Variants in GPC6 observed in about 807,000 individuals in gnomAD.
GPC6 encodes glypican-6.
GPC6 carries 14 observed loss-of-function variants against 55.2 expected under a neutral mutation model. The observed-to-expected ratio is 0.25, with a 90% CI of 0.17 to 0.40. GPC6 has a LOEUF of 0.40. GPC6 is among the 10% of genes least tolerant of loss of function. GPC6 has a pLI of 1.00. For missense variants in GPC6, 641 were observed against 708.5 expected, an observed-to-expected ratio of 0.90 and a Z score of 1.08; for synonymous variants, 278 against 259.6, an observed-to-expected ratio of 1.07 and a Z score of -0.68.
intron 3 of GPC6, among the ~76,000 whole-genome samples, chr13:93,939,171 T>C (rs1878595168): frequency 6.6e-6 from 1 of 151,348 alleles, no homozygotes. Context: ...AATTGAGCAG[T>C]TGAACATGTC....
At chr13:94,354,357 AAAC>A (rs1594199208) in intron 6 of GPC6, among the ~76,000 whole-genome samples, 1 of 152,206 alleles carries the variant, frequency 6.6e-6, no homozygotes, top group African/African-American at 2.4e-5. Context: ...ACAAAAAAAA[AAAC>A]AAGATACCAT....
At chr13:94,381,917 C>A (rs1227433416) in intron 6 of GPC6, among the ~76,000 whole-genome samples, 2 of 152,184 alleles carry the variant, frequency 1.3e-5, no homozygotes, top group Non-Finnish European at 2.9e-5. Flanking sequence ...GCTCTAAGGG[C>A]CTGTCATTTG....
chr13:93,676,564 T>C lies in GPC6; in HGVS notation c.319+131143T>C, dbSNP rs1375572976. Among the ~76,000 whole-genome samples the C allele has an allele frequency of 3.9e-5, 6 of 152,222 alleles. No homozygotes were observed. The East Asian group carries it at 1.2e-3, about 29-fold the overall frequency. ...GGACTGTTGAGAACTAGAGAGTATATGTGCAGCATGGCTGGTGTAACTTTA... is the reference window on the plus strand; with the variant it reads ...GGACTGTTGAGAACTAGAGAGTATACGTGCAGCATGGCTGGTGTAACTTTA... On this transcript the variant is annotated intron_variant, in intron 2 of 8. Coordinates refer to ENST00000377047, the MANE Select transcript of GPC6 (RefSeq NM_005708.5).
chr13:93,300,231 G>C (rs1448668370), intron 1 of GPC6, among the ~76,000 whole-genome samples: 1 of 152,132 alleles, frequency 6.6e-6, no homozygotes, highest in African/African-American at 2.4e-5. Context: ...GGCTTTTCAG[G>C]TGTTTATATT....
At chr13:93,895,316 A>G (rs1308545931) in intron 3 of GPC6, among the ~76,000 whole-genome samples, 1 of 146,974 alleles carries the variant, frequency 6.8e-6, no homozygotes, top group African/African-American at 2.5e-5. Flanking sequence ...TGAACCCTGC[A>G]TGAATTTGAG....
chr13:93,634,252 C>T (rs997468472), intron 2 of GPC6, among the ~76,000 whole-genome samples: 3 of 152,140 alleles, frequency 2.0e-5, no homozygotes, highest in African/African-American at 7.2e-5. Context: ...CCAAAAACCT[C>T]AGGATGTCAA....
chr13:93,730,347 A>T (rs190140390), intron 2 of GPC6, among the ~76,000 whole-genome samples: 2 of 152,204 alleles, frequency 1.3e-5, no homozygotes, highest in Admixed American at 1.3e-4. Context: ...GGATGGAAAA[A>T]ATAACAATTT....
At chr13:93,786,137 C>T (rs1254948963) in intron 2 of GPC6, among the ~76,000 whole-genome samples, 1 of 152,012 alleles carries the variant, frequency 6.6e-6, no homozygotes, top group East Asian at 1.9e-4. Flanking sequence ...TTTTCAAAAC[C>T]ATAAGATTAG....
chr13:94,154,507 T>A (rs1887857935), intron 4 of GPC6: 1 of 152,188 alleles, frequency 6.6e-6, no homozygotes, highest in Admixed American at 6.6e-5. Context: ...CCACTGGGGC[T>A]AAAAACTTTG....
chr13:94,254,650 T>A, intron 4 of GPC6, among the ~76,000 whole-genome samples: 1 of 151,984 alleles, frequency 6.6e-6, no homozygotes, highest in East Asian at 1.9e-4. Flanking sequence ...AAAACTGCTA[T>A]ACAAAGCCAC....
intron 6 of GPC6, among the ~76,000 whole-genome samples, chr13:94,377,234 A>G (rs370910451): frequency 1.3e-5 from 2 of 150,706 alleles, no homozygotes; most frequent in African/African-American, 4.9e-5. Flanking sequence ...ACAGCAAAAG[A>G]AACTACCATC....
chr13:93,334,988 G>A (rs1300152210), intron 1 of GPC6, among the ~76,000 whole-genome samples: 2 of 151,890 alleles, frequency 1.3e-5, no homozygotes, highest in Non-Finnish European at 2.9e-5. Flanking sequence ...AAATATAATT[G>A]CCAACAATAA....
intron 1 of GPC6, among the ~76,000 whole-genome samples, chr13:93,315,547 T>G (rs189406618): frequency 1.3e-5 from 2 of 152,104 alleles, no homozygotes; most frequent in African/African-American, 2.4e-5. Flanking sequence ...ATTAACTATT[T>G]TTTTGACTTT....
chr13:93,612,950 G>T (rs1021811467), intron 2 of GPC6, among the ~76,000 whole-genome samples: 1 of 152,158 alleles, frequency 6.6e-6, no homozygotes, highest in Admixed American at 6.5e-5. Flanking sequence ...GGTCTGTACA[G>T]ACCTTTAAAT....
At chr13:93,352,590 G>A (rs1255873891) in intron 1 of GPC6, among the ~76,000 whole-genome samples, 1 of 152,114 alleles carries the variant, frequency 6.6e-6, no homozygotes, top group Non-Finnish European at 1.5e-5. Flanking sequence ...CATCCTATGA[G>A]GTGAGAGCCT....
intron 2 of GPC6, among the ~76,000 whole-genome samples, chr13:93,590,202 A>G (rs1340996394): frequency 1.3e-5 from 2 of 152,212 alleles, no homozygotes; most frequent in Non-Finnish European, 2.9e-5. Context: ...GGAGTTTGCT[A>G]AATAGGAGGC....
intron 4 of GPC6, among the ~76,000 whole-genome samples, chr13:94,202,037 A>G (rs1889767825): frequency 6.6e-6 from 1 of 152,170 alleles, no homozygotes; most frequent in African/African-American, 2.4e-5. Context: ...TGAAATGGTA[A>G]TAGTTTTCTC....
At chr13:94,001,887 C>A (rs1881820024) in intron 3 of GPC6, among the ~76,000 whole-genome samples, 1 of 152,054 alleles carries the variant, frequency 6.6e-6, no homozygotes, top group Non-Finnish European at 1.5e-5. Flanking sequence ...TTCACTGAAC[C>A]AAAATGCTGG....
intron 3 of GPC6, among the ~76,000 whole-genome samples, chr13:93,991,510 A>G (rs917582457): frequency 6.6e-6 from 1 of 152,212 alleles, no homozygotes; most frequent in Admixed American, 6.5e-5. Context: ...TTGTATATCA[A>G]CAAATTTTTC....
Sources: gnomAD v4.1 joint callset for allele counts (sites outside exome capture counted in the v4.1 genomes callset) on GRCh38, gnomAD v4.1.1 for gene constraint, MANE v1.5 for transcripts, NCBI Gene and HGNC (gene_info 2026-07-23, HGNC 2026-07-21) for gene names.